Variants in HSH2D observed in about 807,000 individuals in gnomAD.
HSH2D encodes hematopoietic SH2 domain-containing protein.
Under a neutral mutation model 21.5 loss-of-function variants are expected in HSH2D, and 16 were observed. The observed-to-expected ratio is 0.74, with a 90% confidence interval of 0.50 to 1.13. The LOEUF (loss-of-function observed/expected upper bound fraction) is 1.13, where lower values mean the gene tolerates loss of function less well. Ranked by LOEUF, HSH2D falls within the 50% of genes most tolerant of loss-of-function variation. HSH2D has a pLI of 0.00. For synonymous variants in HSH2D, 172 were observed against 184.7 expected, an observed-to-expected ratio of 0.93 and a Z score of 0.56; for missense variants, 418 against 441.4, an observed-to-expected ratio of 0.95 and a Z score of 0.47.
At chr19:16,145,144 T>C (rs1450475236) in intron 1 of HSH2D, among the ~76,000 whole-genome samples, 5 of 151,648 alleles carry the variant, frequency 3.3e-5, no homozygotes, top group Admixed American at 3.3e-4. Context: ...GTTCAGATGA[T>C]TCTCCTGCCT....
intron 2 of HSH2D, 121 bp from the exon 3 acceptor site, chr19:16,152,431 A>AT: frequency 1.9e-6 from 1 of 529,194 alleles, no homozygotes; most frequent in Non-Finnish European, 3.1e-6. Context: ...AAAAAAAAAA[A>AT]GGAAAAAAGA....
In HSH2D at chr19:16,154,489, G is replaced by T; in HGVS notation, c.472G>T (p.Glu158Ter). 6.5e-7 allele frequency: 1 copy of T among 1,549,780 alleles called. No individual in the cohort carries two copies. The highest frequency in any genetic ancestry group is 1.2e-5 in the South Asian group (1 of 84,020). ...EAACPVSAPE[E>*]ASPKPVLCHQ... ...TGCCTGCCCGGTGTCTGCCCCTGAG[G>T]AGGTATGTATATGACAGGAGGCTGG... Residue 158 changes from glutamate (E) to a stop codon, truncating the protein, a stop_gained and splice_region_variant, in exon 5 of 6, where the codon GAG (glutamate) becomes TAG (stop). Transcript: ENST00000613986. LOFTEE classifies it low-confidence loss of function (END_TRUNC).
At chr19:16,149,482 C>T (rs1251195063) in intron 2 of HSH2D, among the ~76,000 whole-genome samples, 3 of 151,984 alleles carry the variant, frequency 2.0e-5, no homozygotes, top group Non-Finnish European at 2.9e-5. Flanking sequence ...GGATTACAGG[C>T]GTGAGCCACC....
At chr19:16,150,095 T>TA (rs1336272182) in intron 2 of HSH2D, among the ~76,000 whole-genome samples, 2 of 152,198 alleles carry the variant, frequency 1.3e-5, no homozygotes, top group Non-Finnish European at 1.5e-5. Context: ...CATTGCAATT[T>TA]AAAAAAATTT....
Position 16,157,295 on chromosome 19 carries a change from C to A in HSH2D, c.560C>A (p.Thr187Asn). 6.2e-7 allele frequency: 1 copy of A among 1,611,716 alleles called. No homozygotes were observed. Among genetic ancestry groups the A allele is most frequent in the African/African-American group, 1.3e-5 (1 of 74,802 alleles). The change falls in exon 6 of 6, where the codon ACT (threonine) becomes AAT (asparagine). Residue 187 changes from threonine to asparagine, a missense_variant. Coordinates refer to ENST00000613986, the MANE Select transcript of HSH2D (RefSeq NM_001382417.1). This position sits in a 1 kb window ranked among gnomAD's most constrained non-coding sequence, Gnocchi z 4.4. ...EMNRITTKEA[T>N]SSCPPKSPLG... ...AACAGAATAACCACCAAGGAAGCCA[C>A]TTCCTCCTGCCCCCCAAAATCCCCT...
chr19:16,156,428 C>T (rs934630044), intron 5 of HSH2D, among the ~76,000 whole-genome samples: 1 of 152,064 alleles, frequency 6.6e-6, no homozygotes, highest in African/African-American at 2.4e-5. Flanking sequence ...AAAAAATCCT[C>T]CTGCCTCAGC....
rs1453995949 is a variant in HSH2D at position 16,158,400 on chromosome 19, G to A, written c.*606G>A. 6.6e-6 allele frequency: 1 copy of A among 152,170 alleles called. No individual in the cohort carries two copies. The highest frequency in any genetic ancestry group is 2.4e-5 in the African/African-American group (1 of 41,382). 9.4% of individuals were successfully genotyped at this position (152,170 alleles called of 1,614,324 possible). ...AATTCAAAAATTACCCGGACGTGGTGGCGCATGCCTGTAATCCCAGCTACT... is the reference window on the plus strand; with the variant it reads ...AATTCAAAAATTACCCGGACGTGGTAGCGCATGCCTGTAATCCCAGCTACT... On this transcript the variant is annotated 3_prime_UTR_variant, in exon 6 of 6. Transcript: ENST00000613986.
upstream of HSH2D, chr19:16,141,933 T>G (rs1344674368): frequency 1.3e-5 from 2 of 151,344 alleles, no homozygotes; most frequent in African/African-American, 4.9e-5. Flanking sequence ...AAATATTTTT[T>G]TAATTAGTCA....
chr19:16,150,530 A>G (rs573793479), intron 2 of HSH2D, among the ~76,000 whole-genome samples: 43 of 146,422 alleles, frequency 2.9e-4, no homozygotes, highest in African/African-American at 1.1e-3. Context: ...CAAGAGTAAA[A>G]CTCCGTCTCA....
intron 1 of HSH2D, among the ~76,000 whole-genome samples, chr19:16,144,080 C>T (rs1344905159): frequency 1.3e-5 from 2 of 152,016 alleles, no homozygotes; most frequent in Non-Finnish European, 2.9e-5. Flanking sequence ...GGCTCCCAGG[C>T]CAGGGTCAGG....
chr19:16,143,366 G>A (rs529365295), upstream of HSH2D, among the ~76,000 whole-genome samples: 197 of 152,328 alleles, frequency 1.3e-3, 1 homozygote, highest in African/African-American at 4.5e-3. Context: ...TTGCAGGTGT[G>A]AGCCACCGCA....
intron 2 of HSH2D, among the ~76,000 whole-genome samples, chr19:16,151,005 T>G (rs1160687488): frequency 6.6e-6 from 1 of 152,140 alleles, no homozygotes. Flanking sequence ...TTCCTCTCTG[T>G]GAACTCCAGA....
chr19:16,156,135 CTTGAGGCCAGGACT>C (rs1192668827), intron 5 of HSH2D, among the ~76,000 whole-genome samples: 4 of 151,940 alleles, frequency 2.6e-5, no homozygotes, highest in Non-Finnish European at 5.9e-5. Flanking sequence ...GAGAGGATTG[CTTGAGGCCAGGACT>C]TTGAGACCAG....
At chr19:16,137,947 C>T (rs1309140368) in intron 1 of HSH2D, among the ~76,000 whole-genome samples, 1 of 152,128 alleles carries the variant, frequency 6.6e-6, no homozygotes. Flanking sequence ...TGGCTCACTG[C>T]AACTTCTGCC....
In HSH2D at chr19:16,154,386, T is replaced by C. The variant is rs752087568; in HGVS notation, c.382-13T>C. ...TCCCTAGTGCTGAGCTACAGGCCCC[T>C]TCCGCCCTGCAGAAGGATCCCGCAA... On this transcript the variant is annotated splice_polypyrimidine_tract_variant and intron_variant, in intron 4 of 5. Coordinates refer to ENST00000613986, the MANE Select transcript of HSH2D (RefSeq NM_001382417.1). 8.4e-6 allele frequency: 13 copies of C among 1,543,914 alleles called. No homozygotes were observed. Among genetic ancestry groups the C allele is most frequent in the Non-Finnish European group, 1.1e-5 (13 of 1,141,424 alleles).
At chr19:16,140,334 A>G (rs2090991529), upstream of HSH2D, among the ~76,000 whole-genome samples, 1 of 151,638 alleles carries the variant, frequency 6.6e-6, no homozygotes, top group African/African-American at 2.4e-5. Flanking sequence ...AAATAAATAA[A>G]TACTTCAGGC....
At chr19:16,137,901 A>G (rs2090974999) in intron 1 of HSH2D, among the ~76,000 whole-genome samples, 1 of 151,646 alleles carries the variant, frequency 6.6e-6, no homozygotes, top group Non-Finnish European at 1.5e-5. Context: ...ACCATTGTTC[A>G]TCTTGTTCCC....
chr19:16,151,608 TC>T (rs1384150584), intron 2 of HSH2D: 2 of 455,664 alleles, frequency 4.4e-6, no homozygotes. Flanking sequence ...GACACCTTGA[TC>T]CACCCAAAGG....
At chr19:16,145,819 T>G (rs138147558) in intron 1 of HSH2D, among the ~76,000 whole-genome samples, 2,591 of 152,154 alleles carry the variant, frequency 0.017, 85 homozygotes, top group African/African-American at 0.058. Context: ...CTCACGCCTG[T>G]AATCCCAGCA....
Sources: allele counts gnomAD v4.1 joint callset (sites outside exome capture counted in the v4.1 genomes callset), GRCh38; gene constraint gnomAD v4.1.1; non-coding constraint Gnocchi (gnomAD v3.1); transcripts MANE v1.5; gene names NCBI Gene and HGNC (gene_info 2026-07-23, HGNC 2026-07-21).